Variants in OTOGL observed in about 807,000 individuals in gnomAD.
The protein encoded by OTOGL is otogelin-like protein.
OTOGL carries 285 observed loss-of-function variants against 318.5 expected under a neutral mutation model. The observed-to-expected ratio is 0.89, with a 90% CI of 0.81 to 0.99. The LOEUF is 0.99. Among genes scored for constraint, OTOGL ranks in the 50% least tolerant of loss-of-function variants. The pLI is 0.00. For missense variants in OTOGL, 2,899 were observed against 2,845.6 expected (o/e 1.02, Z -0.43); for synonymous variants, 987 against 936.5 (o/e 1.05, Z -0.99).
At chr12:80,215,060 C>A (rs1877584031) in intron 4 of OTOGL, among the ~76,000 whole-genome samples, 3 of 151,270 alleles carry the variant, frequency 2.0e-5, no homozygotes, top group African/African-American at 7.3e-5. Flanking sequence ...TGAGTTAGGT[C>A]AAAGGATATG....
chr12:80,196,429 T>C (rs140510541), intron 1 of OTOGL, among the ~76,000 whole-genome samples: 22 of 152,364 alleles, frequency 1.4e-4, no homozygotes, highest in Non-Finnish European at 2.6e-4. Flanking sequence ...ATTAGGTTTT[T>C]ATTTTTATTT....
rs746266544 is a variant in OTOGL, at chr12:80,336,950, G to T, written c.4806G>T (p.Lys1602Asn). 2 of 1,595,978 alleles carry T rather than the reference G, an allele frequency of 1.3e-6. No homozygotes were observed. The highest frequency in any genetic ancestry group is 1.7e-6 in the Non-Finnish European group (2 of 1,170,188). ...SGRISGLCFK[K>N]LNVTTPIHKI... ...GAATCTCTGGACTTTGTTTTAAGAA[G>T]TTAAATGTGACAACACCCATACATA... The change falls in exon 42 of 59, where the codon AAG becomes AAT. Residue 1602 changes from lysine (K) to asparagine (N), a missense_variant. By Grantham distance (94) the Lys-to-Asn change is moderately conservative. Around this residue, in one of 3 missense-constraint regions of OTOGL, gnomAD observed 2,607 missense variants for 2,524.9 expected, o/e 1.03. Transcript: ENST00000547103.
chr12:80,325,897 G>T lies in OTOGL; in HGVS notation c.4199+2057G>T, dbSNP rs566810076. Among the ~76,000 whole-genome samples the T allele has an allele frequency of 2.0e-5, 3 of 152,270 alleles. 1 individual carries two copies. In the East Asian group the frequency reaches 5.8e-4, roughly 29 times the overall value. ...CTTATGGGATGACGTGGGATGATCA[G>T]TCTCTGGGGTGGTGGAACCCAGATC... On this transcript the variant is annotated intron_variant, in intron 35 of 58. Coordinates refer to ENST00000547103, the MANE Select transcript of OTOGL (RefSeq NM_001378609.3).
chr12:80,354,678 C>T (rs1422145012), intron 46 of OTOGL, among the ~76,000 whole-genome samples: 1 of 151,888 alleles, frequency 6.6e-6, no homozygotes, highest in Non-Finnish European at 1.5e-5. Flanking sequence ...CCAGTGTTTG[C>T]CAATATAGAA....
chr12:80,356,099 G>A (rs568418316), intron 47 of OTOGL, among the ~76,000 whole-genome samples, 151 bp downstream of exon 47: 1 of 152,260 alleles, frequency 6.6e-6, no homozygotes, highest in Non-Finnish European at 1.5e-5. Context: ...TTACAATTCT[G>A]TTGAATACAC....
At chr12:80,141,225 C>G (rs1290359746) in intron 1 of OTOGL, among the ~76,000 whole-genome samples, 1 of 152,082 alleles carries the variant, frequency 6.6e-6, no homozygotes, top group Non-Finnish European at 1.5e-5. Flanking sequence ...TTTATTAACT[C>G]TAGAGATAAA....
chr12:80,307,116 G>T (rs1383389160), intron 29 of OTOGL, among the ~76,000 whole-genome samples: 4 of 150,534 alleles, frequency 2.7e-5, no homozygotes, highest in Non-Finnish European at 5.9e-5. Flanking sequence ...GAGAGCACAG[G>T]GTTGGGGGTA....
intron 43 of OTOGL, 86 bp downstream of exon 43, chr12:80,339,350 C>T (rs978682594): frequency 2.7e-6 from 3 of 1,120,352 alleles, no homozygotes; most frequent in South Asian, 1.5e-5. Context: ...ATTTTGGACC[C>T]TGTTGCCCCA....
chr12:80,308,687 G>A (rs1886408666), intron 29 of OTOGL, among the ~76,000 whole-genome samples: 1 of 152,208 alleles, frequency 6.6e-6, no homozygotes, highest in Non-Finnish European at 1.5e-5. Flanking sequence ...ATTGAGCACT[G>A]AGTGAACGAG....
intron 1 of OTOGL, among the ~76,000 whole-genome samples, chr12:80,130,797 A>T (rs1301209125): frequency 6.6e-6 from 1 of 152,110 alleles, no homozygotes; most frequent in Non-Finnish European, 1.5e-5. Context: ...GAATCTAACA[A>T]TTTTTCTTCA....
Position 80,176,744 on chromosome 12 carries a change from T to C in OTOGL, c.-19-32669T>C, listed in dbSNP as rs191806092. ...TGTAGTTAGATGCTTTCATTTCTCT[T>C]GGGTAAAAACTTGGGTATAGAATCA... is the stretch of plus-strand genomic sequence containing the variant. On this transcript the variant is annotated intron_variant, in intron 1 of 58. Transcript: ENST00000547103. 3.0e-3 allele frequency among the ~76,000 whole-genome samples: 456 copies of C among 152,270 alleles called. 4 individuals carry two copies. Among genetic ancestry groups the C allele is most frequent in the Admixed American group, 0.025 (377 of 15,284 alleles).
intron 1 of OTOGL, among the ~76,000 whole-genome samples, chr12:80,191,130 T>G (rs930264996): frequency 1.3e-5 from 2 of 152,184 alleles, no homozygotes; most frequent in Non-Finnish European, 2.9e-5. Flanking sequence ...ATTTTTCATA[T>G]TGTGACTTTA....
chr12:80,217,626 T>C lies in OTOGL; in HGVS notation c.197T>C (p.Phe66Ser). The change falls in exon 5 of 59, where the codon TTC (phenylalanine) becomes TCC (serine). Residue 66 changes from phenylalanine to serine, a missense_variant. By Grantham distance (155) the Phe-to-Ser change is radical. Transcript: ENST00000547103. The stretch of plus-strand genomic sequence containing the variant: ...GAAGCTACTTCTCCGAGATACTTTT[T>C]CCATGATGCTATTAATTGGGGTGAG... ...QFEATSPRYF[F>S]HDAINWGESK... The C allele has an allele frequency of 6.4e-7, 1 of 1,554,310 alleles. No homozygotes were observed. Among genetic ancestry groups the C allele is most frequent in the Non-Finnish European group, 8.7e-7 (1 of 1,148,156 alleles).
chr12:80,372,952 G>T (rs970954557), intron 57 of OTOGL, among the ~76,000 whole-genome samples: 2 of 152,068 alleles, frequency 1.3e-5, no homozygotes, highest in Admixed American at 6.6e-5. Context: ...CTCCCAAAGT[G>T]CTGGGATTAC....
chr12:80,293,599 G>T (rs1328392491), intron 26 of OTOGL, among the ~76,000 whole-genome samples: 4 of 150,714 alleles, frequency 2.7e-5, no homozygotes, highest in Non-Finnish European at 5.9e-5. Flanking sequence ...TCTTTTCTCT[G>T]TCTTTTCTCT....
chr12:80,372,938 C>G (rs555372658), intron 57 of OTOGL, among the ~76,000 whole-genome samples: 11 of 152,108 alleles, frequency 7.2e-5, no homozygotes, highest in African/African-American at 2.6e-4. Flanking sequence ...CTGCCCACTT[C>G]GGCCTCCCAA....
chr12:80,307,770 G>T (rs1330126679), intron 29 of OTOGL, among the ~76,000 whole-genome samples: 1 of 141,622 alleles, frequency 7.1e-6, no homozygotes, highest in African/African-American at 2.6e-5. Context: ...CCCGGACGGG[G>T]TGGCTGGCCG....
chr12:80,360,363 ACTCCCCCTCTCTCCCCCTCTCT>A (rs1566014380), intron 52 of OTOGL, among the ~76,000 whole-genome samples: 1 of 56,984 alleles, frequency 1.8e-5, no homozygotes, highest in Non-Finnish European at 3.6e-5. Context: ...TCTCCCTCTC[ACTCCCCCTCTCTCCCCCTCTCT>A]CTCCCCCTCT....
At chr12:80,333,238 G>A (rs190017776) in intron 38 of OTOGL, among the ~76,000 whole-genome samples, 160 bp downstream of exon 38, 2 of 151,866 alleles carry the variant, frequency 1.3e-5, no homozygotes, top group African/African-American at 4.8e-5. Flanking sequence ...TGGAACAATT[G>A]TAACTGATAT....
Sources: allele counts gnomAD v4.1 joint callset (sites outside exome capture counted in the v4.1 genomes callset), GRCh38; gene constraint gnomAD v4.1.1; regional missense constraint gnomAD v4.1.1; transcripts MANE v1.5; gene names NCBI Gene and HGNC (gene_info 2026-07-23, HGNC 2026-07-21).